The following FBXO11 variants were observed in gnomAD, a reference collection of about 807,000 sequenced individuals.
FBXO11 encodes the protein F-box only protein 11.
A neutral mutation model predicts 117.0 loss-of-function variants in FBXO11; 13 were observed. The observed-to-expected ratio is 0.11, with a 90% CI of 0.07 to 0.18. FBXO11 has a LOEUF of 0.18. Ranked by LOEUF, FBXO11 falls within the 10% of genes least tolerant of loss-of-function variation. The pLI is 1.00. For synonymous variants in FBXO11, 490 were observed against 380.5 expected (o/e 1.29, Z -3.35); for missense variants, 767 against 1,164.4 (o/e 0.66, Z 4.97).
At chr2:47,813,960 G>T (rs902030122) in intron 16 of FBXO11, 93 bp from the exon 17 acceptor site, 1 of 940,554 alleles carries the variant, frequency 1.1e-6, no homozygotes, top group Non-Finnish European at 1.7e-6. Flanking sequence ...ATCCACATAA[G>T]TCACTTAGTA....
chr2:47,856,661 C>T (rs1674318880), intron 1 of FBXO11, among the ~76,000 whole-genome samples: 1 of 152,168 alleles, frequency 6.6e-6, no homozygotes, highest in Admixed American at 6.5e-5. Flanking sequence ...ATAATTTTAG[C>T]ACATATTCAG....
chr2:47,884,146 G>T (rs1204988691), intron 1 of FBXO11, among the ~76,000 whole-genome samples: 1 of 152,176 alleles, frequency 6.6e-6, no homozygotes, highest in Non-Finnish European at 1.5e-5. Context: ...TTGAACCCGG[G>T]AGGCAGAGGT....
intron 1 of FBXO11, among the ~76,000 whole-genome samples, chr2:47,863,891 A>C (rs1447443345): frequency 6.6e-6 from 1 of 151,886 alleles, no homozygotes; most frequent in Admixed American, 6.6e-5. Context: ...CAGTGAGCCA[A>C]GATTGTGCCA....
chr2:47,905,998 G>A lies in FBXO11; in HGVS notation c.-278C>T, dbSNP rs1197706775. The A allele has an allele frequency of 2.6e-6, 1 of 380,370 alleles. No homozygotes were observed. The highest frequency in any genetic ancestry group is 2.1e-5 in the African/African-American group (1 of 46,862). The allele number at this position is 380,370 out of a possible 1,614,324, so 23.6% of individuals were successfully genotyped here. A position where few individuals can be genotyped will look rare whatever the true frequency, so the allele number is the denominator to read the frequency against. ...GGCGGGGCGGCCGCGAGGGACGAAGGCAGAAAGACGGGCAGACCGAGAGAA... is the reference window on the plus strand; with the variant it reads ...GGCGGGGCGGCCGCGAGGGACGAAGACAGAAAGACGGGCAGACCGAGAGAA... On this transcript the variant is annotated 5_prime_UTR_variant, in exon 1 of 23. Coordinates refer to ENST00000403359, the MANE Select transcript of FBXO11 (RefSeq NM_001190274.2).
intron 1 of FBXO11, among the ~76,000 whole-genome samples, chr2:47,891,052 G>A (rs906152256): frequency 1.3e-5 from 2 of 151,482 alleles, no homozygotes; most frequent in East Asian, 1.9e-4. Context: ...TCAAACTCCC[G>A]GGCTCAAGCG....
chr2:47,832,370 C>T lies in FBXO11; in HGVS notation c.1377G>A (p.Val459=). The T allele has an allele frequency of 6.2e-7, 1 of 1,611,634 alleles. No individual in the cohort carries two copies. The highest frequency in any genetic ancestry group is 2.2e-5 in the East Asian group (1 of 44,840). ...TTACCATGCCATGATCAAATGTGAA[C>T]ACACCAACATCACGTCCATGATGAA... ...NHIHHGRDVG[V]FTFDHGMGYF... Residue 459 remains valine (V), a synonymous_variant, in exon 11 of 23, where the codon GTG becomes GTA. Transcript: ENST00000403359.
intron 6 of FBXO11, 28 bp from the exon 7 acceptor site, chr2:47,834,739 G>T (rs772042060): frequency 1.2e-5 from 20 of 1,609,136 alleles, no homozygotes; most frequent in East Asian, 2.2e-5. Flanking sequence ...TGTCAGTACA[G>T]AACTGAAAGA....
intron 21 of FBXO11, 101 bp downstream of exon 21, chr2:47,809,057 T>A (rs1389195431): frequency 1.5e-6 from 1 of 670,152 alleles, no homozygotes; most frequent in South Asian, 1.9e-5. Context: ...CAGTTAGTTA[T>A]AGTCTCAACA....
intron 1 of FBXO11, among the ~76,000 whole-genome samples, chr2:47,872,747 A>G (rs1675716488): frequency 6.6e-6 from 1 of 152,218 alleles, no homozygotes; most frequent in African/African-American, 2.4e-5. Context: ...CCAAATGCAG[A>G]AGCAGATATT....
chr2:47,855,618 G>A (rs983440651), intron 1 of FBXO11, among the ~76,000 whole-genome samples: 8 of 152,146 alleles, frequency 5.3e-5, no homozygotes, highest in African/African-American at 1.9e-4. Context: ...CTGATCACCT[G>A]AAGTCAGGAG....
chr2:47,904,933 G>C (rs867215127), intron 1 of FBXO11, among the ~76,000 whole-genome samples: 4 of 151,988 alleles, frequency 2.6e-5, no homozygotes, highest in Non-Finnish European at 4.4e-5. Flanking sequence ...GGGACGGGGG[G>C]GCGGGGGAAA....
In FBXO11 at chr2:47,833,090, AAG is replaced by A. The variant is rs1351184966; in HGVS notation, c.935-22_935-21del. ...CAGGTGCTGTGGAGAAGATATTTTAAAGAATATTACCTTTATTCGATTTCAAC... is the reference window on the plus strand; with the variant it reads ...CAGGTGCTGTGGAGAAGATATTTTAAAATATTACCTTTATTCGATTTCAAC... On this transcript the variant is annotated intron_variant, in intron 7 of 22. Coordinates refer to ENST00000403359, the MANE Select transcript of FBXO11 (RefSeq NM_001190274.2). 6.6e-7 allele frequency: 1 copy of A among 1,522,450 alleles called. No homozygotes were observed. Among genetic ancestry groups the A allele is most frequent in the East Asian group, 2.3e-5 (1 of 44,372 alleles). The allele number at this position is 1,522,450 out of a possible 1,614,324, so 94.3% of individuals were successfully genotyped here. A position where few individuals can be genotyped will look rare whatever the true frequency, so the allele number is the denominator to read the frequency against.
At chr2:47,810,201 C>G (rs749227627) in intron 19 of FBXO11, 115 bp downstream of exon 19, 4 of 642,398 alleles carry the variant, frequency 6.2e-6, no homozygotes, top group Non-Finnish European at 1.0e-5. Context: ...GGCATTCAGC[C>G]ACTTCAGCAC....
intron 1 of FBXO11, among the ~76,000 whole-genome samples, chr2:47,851,579 AG>A (rs1335744553): frequency 6.6e-6 from 1 of 152,142 alleles, no homozygotes; most frequent in East Asian, 1.9e-4. Flanking sequence ...TCCATCACTG[AG>A]GGAACTGTTC....
chr2:47,831,408 T>C (rs1313137181), intron 11 of FBXO11, among the ~76,000 whole-genome samples: 3 of 108,126 alleles, frequency 2.8e-5, no homozygotes, highest in African/African-American at 1.1e-4. Context: ...GCAACAAGGG[T>C]GAAACTCGGT....
chr2:47,824,716 T>C (rs1438193343), intron 11 of FBXO11, among the ~76,000 whole-genome samples: 1 of 152,178 alleles, frequency 6.6e-6, no homozygotes, highest in Admixed American at 6.6e-5. Context: ...AAACGTGAGA[T>C]GATTATGAGT....
chr2:47,864,640 G>T (rs1675058130), intron 1 of FBXO11, among the ~76,000 whole-genome samples: 2 of 152,146 alleles, frequency 1.3e-5, no homozygotes, highest in East Asian at 3.9e-4. Context: ...GTAAATAAGA[G>T]ACTAGATTTA....
chr2:47,906,327 G>C lies in FBXO11; in HGVS notation c.-607C>G, dbSNP rs182726567. On this transcript the variant is annotated 5_prime_UTR_variant, in exon 1 of 23. Transcript: ENST00000403359. ...TCTCTCCTCCCCCCCTTCTCTCCTCGGCGAAGGGGAAATGAGTGTGAAGGG... is the reference window on the plus strand; with the variant it reads ...TCTCTCCTCCCCCCCTTCTCTCCTCCGCGAAGGGGAAATGAGTGTGAAGGG... 2.8e-3 allele frequency among the ~76,000 whole-genome samples: 420 copies of C among 152,064 alleles called. 3 individuals carry two copies. Among genetic ancestry groups the C allele is most frequent in the African/African-American group, 8.3e-3 (345 of 41,472 alleles).
Position 47,807,981 on chromosome 2 carries a change from A to G in FBXO11, c.*137T>C, listed in dbSNP as rs1670342756. 3 of 755,322 alleles carry G rather than the reference A, an allele frequency of 4.0e-6. No homozygotes were observed. Among genetic ancestry groups the G allele is most frequent in the Non-Finnish European group, 4.3e-6 (2 of 466,220 alleles). The allele number at this position is 755,322 out of a possible 1,614,324, so 46.8% of individuals were successfully genotyped here. A position where few individuals can be genotyped will look rare whatever the true frequency, so the allele number is the denominator to read the frequency against. Reference sequence around the variant, plus strand: ...TTCTTTTTGGTAGCTTGAGCTTCATAGTGTCAACTGACCTTGTGTATCCAT... The same window carrying G: ...TTCTTTTTGGTAGCTTGAGCTTCATGGTGTCAACTGACCTTGTGTATCCAT... On this transcript the variant is annotated 3_prime_UTR_variant, in exon 23 of 23. Coordinates refer to ENST00000403359, the MANE Select transcript of FBXO11 (RefSeq NM_001190274.2).
Sources: allele counts gnomAD v4.1 joint callset (sites outside exome capture counted in the v4.1 genomes callset), GRCh38; gene constraint gnomAD v4.1.1; transcripts MANE v1.5; gene names NCBI Gene and HGNC (gene_info 2026-07-23, HGNC 2026-07-21).